Variants in CNTNAP2 observed in about 807,000 individuals in gnomAD.
CNTNAP2 encodes the protein contactin-associated protein-like 2.
Under a neutral mutation model 155.2 loss-of-function variants are expected in CNTNAP2, and 98 were observed. That is an observed-to-expected ratio of 0.63 (90% confidence interval 0.54 to 0.75). CNTNAP2 has a LOEUF of 0.75. Ranked by LOEUF, CNTNAP2 falls within the 30% of genes least tolerant of loss-of-function variation. The pLI, the probability that CNTNAP2 is intolerant of heterozygous loss-of-function variation, is 0.00. For synonymous variants in CNTNAP2, 651 were observed against 631.2 expected (o/e 1.03, Z -0.47); for missense variants, 1,727 against 1,688.1 (o/e 1.02, Z -0.40).
chr7:147,541,363 C>T (rs1279008027), intron 11 of CNTNAP2, among the ~76,000 whole-genome samples: 1 of 152,180 alleles, frequency 6.6e-6, no homozygotes, highest in Non-Finnish European at 1.5e-5. Context: ...ATAATACCTT[C>T]CTCATAGGAT....
Position 147,414,717 on chromosome 7 carries a change from G to A in CNTNAP2, c.1670+18937G>A, listed in dbSNP as rs2697454. On this transcript the variant is annotated intron_variant, in intron 10 of 23. Coordinates refer to ENST00000361727, the MANE Select transcript of CNTNAP2 (RefSeq NM_014141.6). ...AGCACTTTGGGAGGCCAAGGTGGGC[G>A]GATCACGAGGTCAGGAGATCGAGAC... Among the ~76,000 whole-genome samples the A allele has an allele frequency of 1.4e-3, 211 of 151,950 alleles. 1 individual carries two copies. Among genetic ancestry groups the A allele is most frequent in the African/African-American group, 4.8e-3 (199 of 41,502 alleles).
At chr7:146,238,189 A>G (rs1042509837) in intron 1 of CNTNAP2, among the ~76,000 whole-genome samples, 2 of 152,172 alleles carry the variant, frequency 1.3e-5, no homozygotes, top group African/African-American at 4.8e-5. Context: ...AAATATTTTC[A>G]TAAAGCTCTT....
chr7:146,619,717 C>A (rs1799286826), intron 1 of CNTNAP2, among the ~76,000 whole-genome samples: 1 of 152,118 alleles, frequency 6.6e-6, no homozygotes, highest in Admixed American at 6.5e-5. Context: ...TCATTCACGG[C>A]ATTTGCATTT....
chr7:146,205,780 A>C (rs991469518), intron 1 of CNTNAP2, among the ~76,000 whole-genome samples: 2 of 151,894 alleles, frequency 1.3e-5, no homozygotes, highest in African/African-American at 4.8e-5. Flanking sequence ...GAGACTTGCT[A>C]TTTTATATTT....
chr7:146,969,976 A>G (rs956227129), intron 3 of CNTNAP2, among the ~76,000 whole-genome samples: 1 of 152,216 alleles, frequency 6.6e-6, no homozygotes, highest in African/African-American at 2.4e-5. Flanking sequence ...TCCCTATTTA[A>G]TAAATGGTGC....
chr7:146,981,877 A>G (rs573569781), intron 3 of CNTNAP2, among the ~76,000 whole-genome samples: 1 of 152,336 alleles, frequency 6.6e-6, no homozygotes, highest in East Asian at 1.9e-4. Context: ...AGGGCCGGAC[A>G]GTGAATACTT....
intron 1 of CNTNAP2, among the ~76,000 whole-genome samples, chr7:146,433,427 G>A (rs1244418910): frequency 6.6e-6 from 1 of 152,050 alleles, no homozygotes; most frequent in Non-Finnish European, 1.5e-5. Flanking sequence ...CAATAAAACC[G>A]ACAGTGGGAG....
chr7:146,673,274 T>A (rs1024360584), intron 1 of CNTNAP2, among the ~76,000 whole-genome samples: 3 of 152,204 alleles, frequency 2.0e-5, no homozygotes, highest in Admixed American at 2.0e-4. Flanking sequence ...TCAAAATCAC[T>A]TGTGTGTAAA....
chr7:146,513,460 T>A (rs868858986), intron 1 of CNTNAP2, among the ~76,000 whole-genome samples: 8 of 151,862 alleles, frequency 5.3e-5, no homozygotes, highest in African/African-American at 1.9e-4. Context: ...ATTTTGTGTG[T>A]CTCTTATACC....
At chr7:147,775,256 TATAAATATATTTATATATATATTTATAA>T (rs1797545710) in intron 13 of CNTNAP2, among the ~76,000 whole-genome samples, 1 of 114,500 alleles carries the variant, frequency 8.7e-6, no homozygotes, top group Non-Finnish European at 1.7e-5. Context: ...TATATATATT[TATAAATATATTTATATATATATTTATAA>T]ATATATATAT....
chr7:146,573,129 A>T (rs926497890), intron 1 of CNTNAP2, among the ~76,000 whole-genome samples: 2 of 151,850 alleles, frequency 1.3e-5, no homozygotes, highest in Admixed American at 1.3e-4. Context: ...TGCTCTCCTA[A>T]GTTTTTTGTT....
At chr7:147,284,637 T>G (rs908177086) in intron 8 of CNTNAP2, among the ~76,000 whole-genome samples, 6 of 151,950 alleles carry the variant, frequency 3.9e-5, no homozygotes, top group Non-Finnish European at 7.4e-5. Flanking sequence ...ACAAAAAGAC[T>G]TGGTAACATA....
chr7:148,261,308 G>A (rs1341735890), intron 20 of CNTNAP2, among the ~76,000 whole-genome samples: 1 of 152,136 alleles, frequency 6.6e-6, no homozygotes, highest in Non-Finnish European at 1.5e-5. Context: ...CCACAGGCGT[G>A]CACCACCATG....
At chr7:147,026,764 A>T (rs1234027600) in intron 3 of CNTNAP2, among the ~76,000 whole-genome samples, 4 of 151,980 alleles carry the variant, frequency 2.6e-5, no homozygotes, top group African/African-American at 4.8e-5. Flanking sequence ...GGCTATTAAG[A>T]CTTGTTCCTT....
intron 17 of CNTNAP2, among the ~76,000 whole-genome samples, chr7:148,153,240 GAAA>G (rs3056237): frequency 1.5e-5 from 2 of 130,204 alleles, no homozygotes; most frequent in Admixed American, 7.7e-5. Flanking sequence ...CAAAGTAACC[GAAA>G]AAAAAAAAAA....
chr7:147,569,662 TAC>T (rs1314675989), intron 12 of CNTNAP2, among the ~76,000 whole-genome samples: 5 of 152,214 alleles, frequency 3.3e-5, no homozygotes, highest in Non-Finnish European at 7.3e-5. Context: ...TTTGTGTAAG[TAC>T]ACTCTATGAG....
chr7:146,195,607 A>G (rs1286965296), intron 1 of CNTNAP2, among the ~76,000 whole-genome samples: 1 of 152,206 alleles, frequency 6.6e-6, no homozygotes, highest in Non-Finnish European at 1.5e-5. Context: ...TGCTATCCTC[A>G]GATGGCTTTA....
At chr7:147,790,294 T>G (rs1797800552) in intron 13 of CNTNAP2, among the ~76,000 whole-genome samples, 1 of 152,176 alleles carries the variant, frequency 6.6e-6, no homozygotes, top group African/African-American at 2.4e-5. Context: ...TATTGATTCA[T>G]TTCCCTATTT....
intron 10 of CNTNAP2, among the ~76,000 whole-genome samples, chr7:147,445,848 G>T (rs1043816914): frequency 2.0e-5 from 3 of 151,974 alleles, no homozygotes; most frequent in African/African-American, 7.3e-5. Context: ...AGGCTAGAGT[G>T]CAGTGGCATG....
Sources: gnomAD v4.1 joint callset for allele counts (sites outside exome capture counted in the v4.1 genomes callset) on GRCh38, gnomAD v4.1.1 for gene constraint, MANE v1.5 for transcripts, NCBI Gene and HGNC (gene_info 2026-07-23, HGNC 2026-07-21) for gene names.